The following CNTNAP2 variants were observed in gnomAD, a reference collection of about 807,000 sequenced individuals.
CNTNAP2 encodes contactin associated protein 2, also known as contactin-associated protein-like 2.
A neutral mutation model predicts 155.2 loss-of-function variants in CNTNAP2; 98 were observed. That is an observed-to-expected ratio of 0.63 (90% CI 0.54 to 0.75). The LOEUF (loss-of-function observed/expected upper bound fraction) is 0.75, where lower values mean the gene tolerates loss of function less well. Among genes scored for constraint, CNTNAP2 ranks in the 30% least tolerant of loss-of-function variants. The pLI is 0.00. For synonymous variants in CNTNAP2, 651 were observed against 631.2 expected, an observed-to-expected ratio of 1.03 and a Z score of -0.47; for missense variants, 1,727 against 1,688.1, an observed-to-expected ratio of 1.02 and a Z score of -0.40.
chr7:147,478,074 C>T (rs952805385), intron 10 of CNTNAP2, among the ~76,000 whole-genome samples: 1 of 152,120 alleles, frequency 6.6e-6, no homozygotes, highest in South Asian at 2.1e-4. Flanking sequence ...AGATATAGGT[C>T]CACATCAAAG....
intron 9 of CNTNAP2, among the ~76,000 whole-genome samples, chr7:147,352,987 C>T (rs1584893198): frequency 6.6e-6 from 1 of 151,370 alleles, no homozygotes. Flanking sequence ...TAAAGCCCAA[C>T]CTTTGGTCTT....
At chr7:146,945,088 C>A (rs1263830921) in intron 3 of CNTNAP2, among the ~76,000 whole-genome samples, 1 of 152,122 alleles carries the variant, frequency 6.6e-6, no homozygotes. Flanking sequence ...TATAGTCTCA[C>A]TGACATTTGA....
At chr7:147,389,448 C>G (rs978519217) in intron 9 of CNTNAP2, among the ~76,000 whole-genome samples, 1 of 152,296 alleles carries the variant, frequency 6.6e-6, no homozygotes, top group Middle Eastern at 3.4e-3. Context: ...TTATAACTTA[C>G]AACAATTTAG....
intron 21 of CNTNAP2, among the ~76,000 whole-genome samples, chr7:148,267,765 A>C (rs976575256): frequency 6.6e-6 from 1 of 152,162 alleles, no homozygotes; most frequent in Admixed American, 6.5e-5. Context: ...TGCGTGGCAT[A>C]AACTACAACC....
chr7:146,914,106 A>G (rs1023487385), intron 3 of CNTNAP2, among the ~76,000 whole-genome samples: 16 of 152,092 alleles, frequency 1.1e-4, no homozygotes, highest in African/African-American at 3.6e-4. Flanking sequence ...GCTTTTTAAA[A>G]GTAATGTTTT....
At position 147,372,304 on chromosome 7, in the gene CNTNAP2, G is replaced by A. The variant is rs141825902; in HGVS notation, c.1499-23305G>A. 4.4e-4 allele frequency among the ~76,000 whole-genome samples: 67 copies of A among 152,204 alleles called. 1 individual carries two copies. Among genetic ancestry groups the A allele is most frequent in the African/African-American group, 1.6e-3 (65 of 41,544 alleles). On this transcript the variant is annotated intron_variant, in intron 9 of 23. Coordinates refer to ENST00000361727, the MANE Select transcript of CNTNAP2 (RefSeq NM_014141.6). ...TAAAAACAGCTTACCCTAGTGTAAG[G>A]CAACTATAACTGTAAGATCATGAAT...
chr7:148,047,472 T>C (rs1802794235), intron 15 of CNTNAP2, among the ~76,000 whole-genome samples: 1 of 152,202 alleles, frequency 6.6e-6, no homozygotes, highest in South Asian at 2.1e-4. Flanking sequence ...ACAGCCTTCT[T>C]GTGCTTAGGA....
intron 15 of CNTNAP2, among the ~76,000 whole-genome samples, chr7:148,084,621 G>C (rs1439052954): frequency 6.6e-6 from 1 of 151,998 alleles, no homozygotes; most frequent in Non-Finnish European, 1.5e-5. Context: ...TTAATGTAAA[G>C]AAGATTGCAC....
At chr7:146,384,503 AT>A (rs556003924) in intron 1 of CNTNAP2, among the ~76,000 whole-genome samples, 1 of 152,202 alleles carries the variant, frequency 6.6e-6, no homozygotes, top group South Asian at 2.1e-4. Flanking sequence ...GAAATTTCAG[AT>A]TTTATTTTGA....
Position 147,068,613 on chromosome 7 carries a change from T to C in CNTNAP2, c.550+24559T>C, listed in dbSNP as rs570998456. On this transcript the variant is annotated intron_variant, in intron 4 of 23. Transcript: ENST00000361727. Reference sequence around the variant, plus strand: ...GACTCGTGATCCGCCAACCTCAGCCTCCCAAAGTGCTGGAACTACAGGCAT... The same window carrying C: ...GACTCGTGATCCGCCAACCTCAGCCCCCCAAAGTGCTGGAACTACAGGCAT... Among the ~76,000 whole-genome samples, 969 of 152,222 alleles carry C rather than the reference T, an allele frequency of 6.4e-3. 7 individuals carry two copies. The highest frequency in any genetic ancestry group is 0.01 in the Non-Finnish European group (712 of 68,016).
Position 148,416,204 on chromosome 7 carries a change from C to A in CNTNAP2, c.*588C>A, listed in dbSNP as rs1799984638. 1 of 151,558 alleles carries A rather than the reference C, an allele frequency of 6.6e-6. No individual in the cohort carries two copies. Among genetic ancestry groups the A allele is most frequent in the African/African-American group, 2.6e-5 (1 of 39,154 alleles). 9.4% of individuals were successfully genotyped at this position (151,558 alleles called of 1,614,324 possible). A position where few individuals can be genotyped will look rare whatever the true frequency, so the allele number is the denominator to read the frequency against. On this transcript the variant is annotated 3_prime_UTR_variant, in exon 24 of 24. Coordinates refer to ENST00000361727, the MANE Select transcript of CNTNAP2 (RefSeq NM_014141.6). ...AGCTCAATCTATGCCAGCTCTCTGG[C>A]ATCTGGGGTTCCTGACTGATACCAG...
At chr7:146,130,211 C>CAGCACTTTGGG (rs1400946437) in intron 1 of CNTNAP2, among the ~76,000 whole-genome samples, 6 of 152,186 alleles carry the variant, frequency 3.9e-5, no homozygotes, top group African/African-American at 1.4e-4. Context: ...CGTATTATCC[C>CAGCACTTTGGG]AGCACTTTGG....
intron 15 of CNTNAP2, among the ~76,000 whole-genome samples, chr7:148,115,430 G>A (rs1269371467): frequency 6.6e-6 from 1 of 152,198 alleles, no homozygotes; most frequent in Non-Finnish European, 1.5e-5. Context: ...TGGGGATACA[G>A]CCTAAAGAGA....
At position 146,910,333 on chromosome 7, in the gene CNTNAP2, G is replaced by A. The variant is rs1306677696; in HGVS notation, c.402+70429G>A. ...AAAGTTCATATGGTACCAAAAAAGA[G>A]CCCGCATCGCCAAGTCAATCCTAAG... is the stretch of plus-strand genomic sequence containing the variant. On this transcript the variant is annotated intron_variant, in intron 3 of 23. Transcript: ENST00000361727. 2.0e-5 allele frequency among the ~76,000 whole-genome samples: 3 copies of A among 150,102 alleles called. 1 individual carries two copies. Among genetic ancestry groups the A allele is most frequent in the African/African-American group, 7.6e-5 (3 of 39,616 alleles).
At chr7:148,050,527 GAAATT>G (rs1372798281) in intron 15 of CNTNAP2, among the ~76,000 whole-genome samples, 5 of 151,882 alleles carry the variant, frequency 3.3e-5, no homozygotes, top group Non-Finnish European at 7.4e-5. Flanking sequence ...AAAGTTAAAA[GAAATT>G]AAAAGTTTAG....
chr7:147,305,142 A>G (rs184431095), intron 9 of CNTNAP2, among the ~76,000 whole-genome samples: 85 of 152,266 alleles, frequency 5.6e-4, no homozygotes, highest in Admixed American at 3.5e-3. Context: ...GGACACAAAC[A>G]TATAGTCTAT....
chr7:146,220,647 A>G (rs187871635), intron 1 of CNTNAP2, among the ~76,000 whole-genome samples: 193 of 152,334 alleles, frequency 1.3e-3, no homozygotes, highest in Admixed American at 3.8e-3. Flanking sequence ...TTGTTATGTA[A>G]TAAATGTGGT....
chr7:146,502,037 T>A (rs1412949259), intron 1 of CNTNAP2, among the ~76,000 whole-genome samples: 1 of 151,860 alleles, frequency 6.6e-6, no homozygotes, highest in Non-Finnish European at 1.5e-5. Context: ...TGACCACCAA[T>A]CTACTCCTAA....
intron 17 of CNTNAP2, among the ~76,000 whole-genome samples, chr7:148,161,820 T>G (rs184513813): frequency 6.6e-6 from 1 of 152,336 alleles, no homozygotes; most frequent in Admixed American, 6.5e-5. Flanking sequence ...AATCTTGACA[T>G]CAAAACACTC....
Sources: gnomAD v4.1 joint callset for allele counts (sites outside exome capture counted in the v4.1 genomes callset) on GRCh38, gnomAD v4.1.1 for gene constraint, MANE v1.5 for transcripts, NCBI Gene and HGNC (gene_info 2026-07-23, HGNC 2026-07-21) for gene names.